Variants in PRKN observed in about 807,000 individuals in gnomAD.
PRKN encodes E3 ubiquitin-protein ligase parkin.
PRKN carries 56 observed loss-of-function variants against 59.5 expected under a neutral mutation model. That is an observed-to-expected ratio of 0.94 (90% CI 0.76 to 1.18). The LOEUF is 1.18. Ranked by LOEUF, PRKN falls within the 50% of genes most tolerant of loss-of-function variation. The pLI is 0.00. For missense variants in PRKN, 657 were observed against 596.4 expected, an observed-to-expected ratio of 1.10 and a Z score of -1.06; for synonymous variants, 250 against 222.1, an observed-to-expected ratio of 1.13 and a Z score of -1.12.
At chr6:161,366,982 C>CTTTTT (rs57164972) in intron 10 of PRKN, among the ~76,000 whole-genome samples, 4 of 91,946 alleles carry the variant, frequency 4.4e-5, no homozygotes, top group Non-Finnish European at 6.7e-5. Context: ...TTTTTGTTTC[C>CTTTTT]TTTTTTTTTT....
At chr6:162,260,309 G>GC (rs1779835293) in intron 3 of PRKN, among the ~76,000 whole-genome samples, 1 of 152,020 alleles carries the variant, frequency 6.6e-6, no homozygotes, top group Admixed American at 6.6e-5. Context: ...GTGAAACAGC[G>GC]CATCATCATA....
intron 1 of PRKN, among the ~76,000 whole-genome samples, chr6:162,664,483 C>T (rs564798846): frequency 3.5e-4 from 54 of 152,232 alleles, no homozygotes; most frequent in Admixed American, 1.6e-3. Context: ...TCTTCCACAA[C>T]GGTCGAACTA....
At chr6:162,696,152 A>G (rs1584066447) in intron 1 of PRKN, among the ~76,000 whole-genome samples, 2 of 152,216 alleles carry the variant, frequency 1.3e-5, no homozygotes, top group Non-Finnish European at 2.9e-5. Context: ...GCAAAAATGA[A>G]AATCATTAAA....
chr6:161,614,533 C>T (rs987858266), intron 7 of PRKN, among the ~76,000 whole-genome samples: 1 of 152,170 alleles, frequency 6.6e-6, no homozygotes, highest in African/African-American at 2.4e-5. Flanking sequence ...TTTAGAAGTG[C>T]ACCACCGGAC....
At chr6:162,663,580 AT>A (rs1397298943) in intron 1 of PRKN, among the ~76,000 whole-genome samples, 1 of 150,832 alleles carries the variant, frequency 6.6e-6, no homozygotes, top group Non-Finnish European at 1.5e-5. Flanking sequence ...AAAAATTACT[AT>A]GATTAGATTA....
chr6:161,666,447 T>C (rs968799350), intron 7 of PRKN, among the ~76,000 whole-genome samples: 15 of 152,198 alleles, frequency 9.9e-5, no homozygotes, highest in African/African-American at 3.6e-4. Context: ...TCACCCTGTT[T>C]GTGGAAAAAT....
chr6:161,640,819 G>T (rs564978976), intron 7 of PRKN, among the ~76,000 whole-genome samples: 2 of 152,226 alleles, frequency 1.3e-5, no homozygotes, highest in East Asian at 3.9e-4. Context: ...ATCAACTGGA[G>T]AAAAAAAGCT....
intron 4 of PRKN, among the ~76,000 whole-genome samples, chr6:162,186,829 T>C (rs1250792192): frequency 2.6e-5 from 4 of 152,218 alleles, no homozygotes; most frequent in Non-Finnish European, 5.9e-5. Flanking sequence ...ACTGGAAGCT[T>C]CCTGAGGTCT....
At chr6:162,507,490 C>T (rs1432925884) in intron 1 of PRKN, among the ~76,000 whole-genome samples, 1 of 152,078 alleles carries the variant, frequency 6.6e-6, no homozygotes, top group African/African-American at 2.4e-5. Flanking sequence ...CTCCTTTTGC[C>T]AGCACCATAT....
At chr6:162,684,609 A>C (rs544056927) in intron 1 of PRKN, among the ~76,000 whole-genome samples, 2 of 152,222 alleles carry the variant, frequency 1.3e-5, no homozygotes, top group Admixed American at 6.5e-5. Context: ...TGATTCTCGA[A>C]ACTTCTGTTT....
rs116743593 is a variant in PRKN at position 162,146,014 on chromosome 6, T to A, written c.534+55117A>T. On this transcript the variant is annotated intron_variant, in intron 4 of 11. Transcript: ENST00000366898. ...TTTCCCATCTGCCACACAGAAAAGG[T>A]TGGGGTTTGCAAAGGGAGTAGCCTA... is the stretch of plus-strand genomic sequence containing the variant. 3.0e-3 allele frequency among the ~76,000 whole-genome samples: 457 copies of A among 152,220 alleles called. 3 individuals are homozygous for A. The highest frequency in any genetic ancestry group is 0.01 in the African/African-American group (420 of 41,542).
intron 6 of PRKN, among the ~76,000 whole-genome samples, chr6:161,829,317 G>T (rs184367359): frequency 2.6e-4 from 40 of 152,340 alleles, no homozygotes; most frequent in Admixed American, 1.2e-3. Flanking sequence ...GCACCCATGA[G>T]CTCCTTTGCC....
rs925643115 is a variant in PRKN at position 161,417,218 on chromosome 6, G to A, written c.1084-30341C>T. 3.3e-5 allele frequency among the ~76,000 whole-genome samples: 5 copies of A among 152,114 alleles called. No individual in the cohort carries two copies. Among genetic ancestry groups the A allele is most frequent in the African/African-American group, 4.8e-5 (2 of 41,418 alleles). On this transcript the variant is annotated intron_variant, in intron 9 of 11. Transcript: ENST00000366898. The surrounding 1 kb of genome is among the most constrained non-coding windows in gnomAD (Gnocchi z 5.4). ...TGTAATCCCAGCACTTTGGGAGGCC[G>A]AGGCTGCCAAATCACGAGGTCAAGA...
chr6:162,719,652 T>A (rs577106715), intron 1 of PRKN, among the ~76,000 whole-genome samples: 1 of 152,270 alleles, frequency 6.6e-6, no homozygotes, highest in Non-Finnish European at 1.5e-5. Context: ...ATGTCTCCAG[T>A]AGGAGCTGTG....
Position 161,903,835 on chromosome 6 carries a change from T to C in PRKN, c.734+69467A>G, listed in dbSNP as rs889373638. ...TTTTTTAATGGTCCCTTTTATTGTATGTATGCGCAGTGCTGGCCTGGCTTT... is the reference window on the plus strand; with the variant it reads ...TTTTTTAATGGTCCCTTTTATTGTACGTATGCGCAGTGCTGGCCTGGCTTT... On this transcript the variant is annotated intron_variant, in intron 6 of 11. Coordinates refer to ENST00000366898, the MANE Select transcript of PRKN (RefSeq NM_004562.3). Among the ~76,000 whole-genome samples, 64 of 151,416 alleles carry C rather than the reference T, an allele frequency of 4.2e-4. 2 individuals carry two copies. The highest frequency in any genetic ancestry group is 1.0e-4 in the Non-Finnish European group (7 of 67,900).
At chr6:162,625,344 T>C (rs947823978) in intron 1 of PRKN, among the ~76,000 whole-genome samples, 2 of 152,228 alleles carry the variant, frequency 1.3e-5, no homozygotes, top group African/African-American at 4.8e-5. Context: ...GATGTCTATC[T>C]AGTGTAGGTT....
chr6:162,155,047 C>A (rs571199081), intron 4 of PRKN, among the ~76,000 whole-genome samples: 1 of 150,560 alleles, frequency 6.6e-6, no homozygotes, highest in South Asian at 2.1e-4. Context: ...AGCAAAACAC[C>A]CACAACATGA....
intron 8 of PRKN, among the ~76,000 whole-genome samples, chr6:161,557,354 T>C (rs752796965): frequency 6.6e-6 from 1 of 152,204 alleles, no homozygotes; most frequent in Non-Finnish European, 1.5e-5. Flanking sequence ...GAGAGTATAA[T>C]GAAATAGATA....
At chr6:162,643,274 T>A (rs768925638) in intron 1 of PRKN, among the ~76,000 whole-genome samples, 2 of 150,934 alleles carry the variant, frequency 1.3e-5, no homozygotes, top group Non-Finnish European at 2.9e-5. Context: ...GGCGCATGCC[T>A]GTAATCCCAG....
Sources: allele counts gnomAD v4.1 joint callset (sites outside exome capture counted in the v4.1 genomes callset), GRCh38; gene constraint gnomAD v4.1.1; non-coding constraint Gnocchi (gnomAD v3.1); transcripts MANE v1.5; gene names NCBI Gene and HGNC (gene_info 2026-07-23, HGNC 2026-07-21).